MSI2: variants seen among roughly 807,000 people sequenced by gnomAD.
The protein encoded by MSI2 is RNA-binding protein Musashi homolog 2.
MSI2 carries 17 observed loss-of-function variants against 45.6 expected under a neutral mutation model. The ratio of observed to expected loss-of-function variants is 0.37; its 90% CI spans 0.26 to 0.56. The LOEUF is 0.56. Among genes scored for constraint, MSI2 ranks in the 20% least tolerant of loss-of-function variants. The probability of loss-of-function intolerance (pLI) is 0.77; values close to 1 mark genes in which losing one functional copy is unlikely to be tolerated. For synonymous variants in MSI2, 156 were observed against 158.2 expected (o/e 0.99, Z 0.11); for missense variants, 293 against 444.2 (o/e 0.66, Z 3.06).
At chr17:57,624,022 T>C (rs1025710970) in intron 9 of MSI2, among the ~76,000 whole-genome samples, 2 of 152,072 alleles carry the variant, frequency 1.3e-5, no homozygotes, top group Admixed American at 6.5e-5. Context: ...CCAGGAAGAG[T>C]GGGGTGAGAC....
chr17:57,614,513 G>T (rs1907488029), intron 8 of MSI2, among the ~76,000 whole-genome samples: 1 of 152,192 alleles, frequency 6.6e-6, no homozygotes, highest in African/African-American at 2.4e-5. Flanking sequence ...GGCCCAGACT[G>T]CTCTTTAAAT....
intron 6 of MSI2, among the ~76,000 whole-genome samples, chr17:57,415,745 A>C (rs1430877879): frequency 6.6e-6 from 1 of 151,792 alleles, no homozygotes; most frequent in Non-Finnish European, 1.5e-5. Context: ...AATCTGCACA[A>C]AGCCCTCTCT....
intron 8 of MSI2, among the ~76,000 whole-genome samples, chr17:57,607,794 C>A (rs1408673098): frequency 6.6e-6 from 1 of 152,178 alleles, no homozygotes; most frequent in Non-Finnish European, 1.5e-5. Flanking sequence ...AGCTTTTACT[C>A]ACGGAGGAAG....
chr17:57,380,154 G>C (rs372196203), intron 5 of MSI2, among the ~76,000 whole-genome samples: 6 of 152,004 alleles, frequency 3.9e-5, no homozygotes, highest in Non-Finnish European at 8.8e-5. Flanking sequence ...CCCTCTTCCC[G>C]CTCTTATTAT....
chr17:57,478,248 A>C (rs923348996), intron 6 of MSI2, among the ~76,000 whole-genome samples: 2 of 152,240 alleles, frequency 1.3e-5, no homozygotes, highest in Non-Finnish European at 2.9e-5. Context: ...TGATGAGAAG[A>C]AGCCATTTGG....
intron 5 of MSI2, among the ~76,000 whole-genome samples, chr17:57,344,151 G>A (rs1399011484): frequency 6.6e-6 from 1 of 152,176 alleles, no homozygotes; most frequent in African/African-American, 2.4e-5. Context: ...TTACAGCAAT[G>A]GTTACAAAAT....
At chr17:57,352,174 C>T (rs1195994053) in intron 5 of MSI2, among the ~76,000 whole-genome samples, 2 of 152,166 alleles carry the variant, frequency 1.3e-5, no homozygotes, top group Non-Finnish European at 2.9e-5. Flanking sequence ...GTATATGTCA[C>T]GTAAATGAAT....
chr17:57,542,368 C>T lies in MSI2; in HGVS notation c.454+12644C>T, dbSNP rs139758247. Among the ~76,000 whole-genome samples, 544 of 152,230 alleles carry T rather than the reference C, an allele frequency of 3.6e-3. 5 individuals are homozygous for T. The highest frequency in any genetic ancestry group is 0.012 in the African/African-American group (517 of 41,550). On this transcript the variant is annotated intron_variant, in intron 7 of 13. Coordinates refer to ENST00000284073, the MANE Select transcript of MSI2 (RefSeq NM_138962.4). ...CCCAAGAGCTGCTTCACTCTGTGGC[C>T]GACTTTGATTTTCTCATGTAGAGAC...
intron 7 of MSI2, among the ~76,000 whole-genome samples, chr17:57,534,395 G>A (rs1437209968): frequency 6.6e-6 from 1 of 152,224 alleles, no homozygotes; most frequent in East Asian, 1.9e-4. Flanking sequence ...CCTGCAGCCA[G>A]ACAAGGAGCA....
intron 12 of MSI2, among the ~76,000 whole-genome samples, chr17:57,675,452 A>G (rs1913158327): frequency 6.6e-6 from 1 of 152,144 alleles, no homozygotes; most frequent in African/African-American, 2.4e-5. Context: ...CAGAATCTCT[A>G]TGCTTTCCTC....
intron 5 of MSI2, among the ~76,000 whole-genome samples, chr17:57,333,474 A>T (rs1212968439): frequency 6.8e-6 from 1 of 147,878 alleles, no homozygotes; most frequent in Non-Finnish European, 1.5e-5. Context: ...GTCTCACTCC[A>T]TCGCCCAGGC....
intron 6 of MSI2, among the ~76,000 whole-genome samples, chr17:57,430,442 C>A (rs1157480218): frequency 1.3e-5 from 2 of 152,164 alleles, no homozygotes. Context: ...ATGGCAGTTT[C>A]TTCTTTGTAC....
intron 1 of MSI2, 117 bp downstream of exon 1, chr17:57,256,921 C>T: frequency 5.1e-6 from 2 of 392,126 alleles, no homozygotes; most frequent in South Asian, 8.0e-5. Context: ...CCCGCGCGCC[C>T]CCCCCGTGGA....
chr17:57,507,401 G>C (rs142204287), intron 6 of MSI2, among the ~76,000 whole-genome samples: 1 of 152,122 alleles, frequency 6.6e-6, no homozygotes, highest in East Asian at 1.9e-4. Flanking sequence ...CCTTTGCTCT[G>C]CGCAGTTTCA....
In MSI2 at chr17:57,348,473, C is replaced by T. The variant is rs1314583194; in HGVS notation, c.313-52906C>T. On this transcript the variant is annotated intron_variant, in intron 5 of 13. Coordinates refer to ENST00000284073, the MANE Select transcript of MSI2 (RefSeq NM_138962.4). ...GGTATTGGATCAAGGGGGCAGATCC[C>T]TCAGGAATGACTTAGTGTCATCCCC... Among the ~76,000 whole-genome samples, 3 of 152,158 alleles carry T rather than the reference C, an allele frequency of 2.0e-5. No homozygotes were observed. In the East Asian group the frequency reaches 5.8e-4, roughly 29 times the overall value.
At chr17:57,501,455 G>T (rs754237001) in intron 6 of MSI2, among the ~76,000 whole-genome samples, 2 of 152,226 alleles carry the variant, frequency 1.3e-5, no homozygotes, top group Non-Finnish European at 2.9e-5. Context: ...TTCATCCCAC[G>T]GCCCTGGGCC....
the MSI2 span, among the ~76,000 whole-genome samples, chr17:57,689,742 A>G: frequency 1.3e-5 from 2 of 152,208 alleles, no homozygotes; most frequent in Non-Finnish European, 2.9e-5. Context: ...ACTATAGCTT[A>G]GTTTTGCCTA....
Position 57,529,685 on chromosome 17 carries a change from G to A in MSI2, c.415G>A (p.Ala139Thr). 2.5e-6 allele frequency: 4 copies of A among 1,612,936 alleles called. No individual in the cohort carries two copies. Among genetic ancestry groups the A allele is most frequent in the Non-Finnish European group, 3.4e-6 (4 of 1,179,712 alleles). Reference protein sequence around the residue: ...YFEQFGKVEDAMLMFDKTTNR... With the variant: ...YFEQFGKVEDTMLMFDKTTNR... ...TATATTTGTTTTGCAGGTGGAAGAT[G>A]CAATGCTGATGTTTGATAAAACTAC... Residue 139 changes from alanine (A) to threonine (T), a missense_variant, in exon 7 of 14, where the codon GCA becomes ACA. Coordinates refer to ENST00000284073, the MANE Select transcript of MSI2 (RefSeq NM_138962.4). The surrounding 1 kb of genome is among the most constrained non-coding windows in gnomAD (Gnocchi z 5.3).
chr17:57,309,453 G>A (rs1358249688), intron 5 of MSI2, among the ~76,000 whole-genome samples: 1 of 152,092 alleles, frequency 6.6e-6, no homozygotes, highest in Non-Finnish European at 1.5e-5. Context: ...GGCTTTAATC[G>A]TCTGTTGGCC....
Sources: gnomAD v4.1 joint callset for allele counts (sites outside exome capture counted in the v4.1 genomes callset) on GRCh38, gnomAD v4.1.1 for gene constraint, Gnocchi (gnomAD v3.1) non-coding constraint, MANE v1.5 for transcripts, NCBI Gene and HGNC (gene_info 2026-07-23, HGNC 2026-07-21) for gene names.